The following TG variants were observed in gnomAD, a reference collection of about 807,000 sequenced individuals.
TG encodes thyroid hormones.
TG carries 270 observed loss-of-function variants against 324.7 expected under a neutral mutation model. The ratio of observed to expected loss-of-function variants is 0.83; its 90% CI spans 0.75 to 0.92. TG has a LOEUF of 0.92. Among genes scored for constraint, TG ranks in the 40% least tolerant of loss-of-function variants. TG has a pLI of 0.00. For missense variants in TG, 3,591 were observed against 3,456.4 expected (o/e 1.04, Z -0.98); for synonymous variants, 1,401 against 1,327.0 (o/e 1.06, Z -1.21).
intron 35 of TG, chr8:132,994,590 G>A (rs1477939771): frequency 9.8e-7 from 1 of 1,017,908 alleles, no homozygotes; most frequent in Non-Finnish European, 1.3e-6. Context: ...GCTACACAAA[G>A]TTTTTTTTAA....
intron 35 of TG, among the ~76,000 whole-genome samples, chr8:133,008,411 C>A (rs527700632): frequency 6.6e-6 from 1 of 151,762 alleles, no homozygotes; most frequent in South Asian, 2.1e-4. Flanking sequence ...TAAGTACTCA[C>A]GATGCGATAA....
intron 10 of TG, 64 bp downstream of exon 10, chr8:132,888,632 TA>T: frequency 7.0e-7 from 1 of 1,437,248 alleles, no homozygotes; most frequent in Non-Finnish European, 9.3e-7. Flanking sequence ...TATGTGTGTT[TA>T]ACATATAAAA....
chr8:133,051,747 A>G (rs890493269), intron 41 of TG, among the ~76,000 whole-genome samples: 1 of 152,226 alleles, frequency 6.6e-6, no homozygotes, highest in Non-Finnish European at 1.5e-5. Flanking sequence ...ATTCAGATGC[A>G]TTAGATGCAG....
chr8:132,935,830 T>G lies in TG; in HGVS notation c.5007T>G (p.His1669Gln). 6.2e-7 allele frequency: 1 copy of G among 1,612,650 alleles called. No individual in the cohort carries two copies. The highest frequency in any genetic ancestry group is 1.3e-5 in the African/African-American group (1 of 74,984). Residue 1669 changes from histidine (H) to glutamine (Q), a missense_variant, in exon 25 of 48, where the codon CAT (histidine) becomes CAG (glutamine). By Grantham distance (24) the His-to-Gln change is conservative (BLOSUM62 0). Transcript: ENST00000220616. ...SLRCQVKVRS[H>Q]GQDSPAVYLK... ...GCTGCCAGGTGAAAGTGAGGAGCCA[T>G]GGTCAAGATTCTCCAGCTGTGTATT...
At position 132,967,952 on chromosome 8, in the gene TG, G is replaced by T; in HGVS notation, c.5845G>T (p.Ala1949Ser). 1 of 1,613,674 alleles carries T rather than the reference G, an allele frequency of 6.2e-7. No homozygotes were observed. The highest frequency in any genetic ancestry group is 8.5e-7 in the Non-Finnish European group (1 of 1,179,830). The change falls in exon 31 of 48, where the codon GCC becomes TCC. Residue 1949 changes from alanine to serine, a missense_variant. Coordinates refer to ENST00000220616, the MANE Select transcript of TG (RefSeq NM_003235.5). ...CRLILPQMPKALFRKKVILED... is the reference protein window; with the variant it reads ...CRLILPQMPKSLFRKKVILED... Reference sequence around the variant, plus strand: ...ACTGATCCTGCCTCAGATGCCAAAGGCCCTGTTCCGGAAGAAAGGTGAGCA... The same window carrying T: ...ACTGATCCTGCCTCAGATGCCAAAGTCCCTGTTCCGGAAGAAAGGTGAGCA...
Position 133,088,256 on chromosome 8 carries a change from G to GCTCCTC in TG, c.7240-6769_7240-6764dup, listed in dbSNP as rs5895174. Among the ~76,000 whole-genome samples, 316 of 151,462 alleles carry GCTCCTC rather than the reference G, an allele frequency of 2.1e-3. 1 individual carries two copies. Among genetic ancestry groups the GCTCCTC allele is most frequent in the African/African-American group, 7.4e-3 (304 of 41,294 alleles). On this transcript the variant is annotated intron_variant, in intron 41 of 47. Coordinates refer to ENST00000220616, the MANE Select transcript of TG (RefSeq NM_003235.5). ...GATGGAGGAGCCAGGCTCCCCTCCTGCTCCTCCTCCTCCTCCTCCTCCTCT... is the reference window on the plus strand; with the variant it reads ...GATGGAGGAGCCAGGCTCCCCTCCTGCTCCTCCTCCTCCTCCTCCTCCTCCTCCTCT...
At chr8:133,130,964 C>G (rs1236761579) in intron 45 of TG, among the ~76,000 whole-genome samples, 1 of 152,178 alleles carries the variant, frequency 6.6e-6, no homozygotes, top group Non-Finnish European at 1.5e-5. Context: ...GGCCTCCTGG[C>G]TTCTCTGTCG....
rs1564002580 is a variant in TG, at chr8:132,957,746, C to CAT, written c.5402-3261_5402-3260insTA. 7.6e-5 allele frequency among the ~76,000 whole-genome samples: 8 copies of CAT among 105,510 alleles called. No individual in the cohort carries two copies. The East Asian group carries it at 2.1e-3, about 27-fold the overall frequency. 69.2% of individuals were successfully genotyped at this position (105,510 alleles called of 152,430 possible). On this transcript the variant is annotated intron_variant, in intron 27 of 47. Coordinates refer to ENST00000220616, the MANE Select transcript of TG (RefSeq NM_003235.5). ...CCCAGTGATTTCATGGTAAACTACA[C>CAT]ACACACACACACACACACACACACA...
At chr8:132,974,670 C>T (rs11782801) in intron 34 of TG, among the ~76,000 whole-genome samples, 1,866 of 152,316 alleles carry the variant, frequency 0.012, 28 homozygotes, top group Non-Finnish European at 0.018. Context: ...CTTCCCCCAA[C>T]TCAATTGATT....
intron 27 of TG, among the ~76,000 whole-genome samples, chr8:132,954,703 G>A (rs980124857): frequency 1.1e-4 from 17 of 152,160 alleles, no homozygotes; most frequent in African/African-American, 4.1e-4. Context: ...AGTTCATGTT[G>A]CATACGTCAT....
intron 1 of TG, 46 bp downstream of exon 1, chr8:132,867,113 G>T: frequency 6.5e-7 from 1 of 1,528,430 alleles, no homozygotes; most frequent in South Asian, 1.2e-5. Context: ...GGGAGCTCCA[G>T]TGTCAGCCAG....
intron 41 of TG, among the ~76,000 whole-genome samples, chr8:133,091,969 G>A (rs1053373557): frequency 1.1e-4 from 16 of 152,122 alleles, no homozygotes; most frequent in South Asian, 2.1e-4. Flanking sequence ...GTCTGTGCAC[G>A]TAAGCATATG....
At chr8:132,919,636 G>T in intron 21 of TG, 111 bp downstream of exon 21, 2 of 1,489,612 alleles carry the variant, frequency 1.3e-6, no homozygotes, top group African/African-American at 1.4e-5. Context: ...AATTCTTTGT[G>T]CAGGGTTGGC....
intron 43 of TG, among the ~76,000 whole-genome samples, chr8:133,110,895 A>G (rs753009549): frequency 2.0e-5 from 3 of 152,192 alleles, no homozygotes; most frequent in Admixed American, 6.5e-5. Flanking sequence ...ACAACCAGCC[A>G]CGACTAGGAG....
At chr8:133,066,502 G>A (rs1211150646) in intron 41 of TG, among the ~76,000 whole-genome samples, 1 of 152,088 alleles carries the variant, frequency 6.6e-6, no homozygotes, top group Non-Finnish European at 1.5e-5. Flanking sequence ...GACTCTCTCT[G>A]GGTAGTGATT....
chr8:132,897,576 G>A lies in TG; in HGVS notation c.3002-73G>A, dbSNP rs1563925152. 16 of 1,593,350 alleles carry A rather than the reference G, an allele frequency of 1.0e-5. No individual in the cohort carries two copies. The East Asian group carries it at 2.2e-4, about 22-fold the overall frequency. Reference sequence around the variant, plus strand: ...TCCTTATGTTGGAACCAGGACATACGTGGTTGTTCTCAGCTACAGAGCCCA... The same window carrying A: ...TCCTTATGTTGGAACCAGGACATACATGGTTGTTCTCAGCTACAGAGCCCA... On this transcript the variant is annotated intron_variant, in intron 11 of 47. Transcript: ENST00000220616.
At chr8:133,107,731 GT>G (rs1459701499) in intron 43 of TG, among the ~76,000 whole-genome samples, 1 of 152,192 alleles carries the variant, frequency 6.6e-6, no homozygotes, top group Non-Finnish European at 1.5e-5. Flanking sequence ...CACCCAATTA[GT>G]GTGTCAGATC....
At chr8:132,884,824 C>G in intron 8 of TG, among the ~76,000 whole-genome samples, 1 of 152,188 alleles carries the variant, frequency 6.6e-6, no homozygotes, top group East Asian at 1.9e-4. Flanking sequence ...CACATGGAAA[C>G]AGTAATTGAA....
chr8:132,898,764 A>G (rs1305826764), intron 13 of TG, 34 bp from the exon 14 acceptor site: 6 of 1,603,574 alleles, frequency 3.7e-6, no homozygotes, highest in Non-Finnish European at 5.1e-6. Context: ...GGCTCCCACG[A>G]CCAGTCCTTT....
Sources: allele counts gnomAD v4.1 joint callset (sites outside exome capture counted in the v4.1 genomes callset), GRCh38; gene constraint gnomAD v4.1.1; transcripts MANE v1.5; gene names NCBI Gene and HGNC (gene_info 2026-07-23, HGNC 2026-07-21).